Variants in RPF1 observed in about 807,000 individuals in gnomAD.
The protein encoded by RPF1 is ribosome production factor 1.
RPF1 carries 34 observed loss-of-function variants against 41.9 expected under a neutral mutation model. The ratio of observed to expected loss-of-function variants is 0.81; its 90% CI spans 0.62 to 1.08. The LOEUF is 1.08. Ranked by LOEUF, RPF1 falls within the 50% of genes least tolerant of loss-of-function variation. The pLI is 0.00. For synonymous variants in RPF1, 140 were observed against 148.9 expected, an observed-to-expected ratio of 0.94 and a Z score of 0.43; for missense variants, 425 against 435.2, an observed-to-expected ratio of 0.98 and a Z score of 0.21.
In RPF1 at chr1:84,479,323, A is replaced by G; in HGVS notation, c.42A>G (p.Lys14=). The change falls in exon 1 of 9, where the codon AAA becomes AAG. Residue 14 remains lysine (K), a synonymous_variant. Coordinates refer to ENST00000370654, the MANE Select transcript of RPF1 (RefSeq NM_025065.7). The part of the protein sequence containing the change: ...AGDKSSSSGK[K]SLKRKAAAEE... ...ATAAGAGCAGCAGCAGCGGGAAGAA[A>G]AGTCTAAAACGGAAAGCCGCTGCCG... 1.2e-6 allele frequency: 2 copies of G among 1,610,078 alleles called. No individual in the cohort carries two copies.
At chr1:84,490,272 A>G in intron 4 of RPF1, 47 bp from the exon 5 acceptor site, 1 of 1,321,954 alleles carries the variant, frequency 7.6e-7, no homozygotes, top group Non-Finnish European at 1.0e-6. Context: ...TAAGATTTTT[A>G]TTCTTTTTTG....
intron 1 of RPF1, among the ~76,000 whole-genome samples, chr1:84,480,727 G>A (rs1252729705): frequency 6.6e-6 from 1 of 152,208 alleles, no homozygotes; most frequent in Non-Finnish European, 1.5e-5. Context: ...TGCCAGTTTA[G>A]ATTTTTTTAA....
Position 84,495,897 on chromosome 1 carries a change from C to G in RPF1, c.715C>G (p.Pro239Ala). 1 of 1,598,570 alleles carries G rather than the reference C, an allele frequency of 6.3e-7. No homozygotes were observed. The highest frequency in any genetic ancestry group is 8.5e-7 in the Non-Finnish European group (1 of 1,171,692). The stretch of plus-strand genomic sequence containing the variant: ...ATTTTTCTAGAGAAGAGGCAAGGAC[C>G]CCACAGAACACATACCTGAAATAAT... ...RKEIKRRGKDPTEHIPEIILN... is the reference protein window; with the variant it reads ...RKEIKRRGKDATEHIPEIILN... Residue 239 changes from proline to alanine, a missense_variant, in exon 7 of 9, where the codon CCC becomes GCC. Transcript: ENST00000370654.
intron 2 of RPF1, among the ~76,000 whole-genome samples, chr1:84,481,268 A>T (rs1278906944): frequency 9.9e-5 from 15 of 152,158 alleles, no homozygotes; most frequent in Admixed American, 9.8e-4. Flanking sequence ...GAAATTTTTG[A>T]TTATTTTTTC....
chr1:84,489,522 C>T (rs1334017986), intron 3 of RPF1, 111 bp from the exon 4 acceptor site: 2 of 661,082 alleles, frequency 3.0e-6, no homozygotes, highest in Non-Finnish European at 5.5e-6. Context: ...TCTTTAAAGC[C>T]CCTATCAGCT....
chr1:84,494,035 G>T (rs1449136942), intron 5 of RPF1, among the ~76,000 whole-genome samples: 1 of 152,138 alleles, frequency 6.6e-6, no homozygotes, highest in Non-Finnish European at 1.5e-5. Flanking sequence ...TTTTCACTTA[G>T]CATGTGAGAA....
rs1043829194 is a variant in RPF1 at position 84,479,742 on chromosome 1, C to T, written c.228+233C>T. On this transcript the variant is annotated intron_variant, in intron 1 of 8. Coordinates refer to ENST00000370654, the MANE Select transcript of RPF1 (RefSeq NM_025065.7). ...GAAGATTATCTTGATAGGCTCTTTC[C>T]TGGGACGCTAGATTCACAAGGAAAG... Among the ~76,000 whole-genome samples, 8 of 152,294 alleles carry T rather than the reference C, an allele frequency of 5.3e-5. 1 individual carries two copies. Among genetic ancestry groups the T allele is most frequent in the African/African-American group, 1.9e-4 (8 of 41,558 alleles).
intron 1 of RPF1, among the ~76,000 whole-genome samples, chr1:84,479,885 G>A (rs567905765): frequency 2.0e-5 from 3 of 152,280 alleles, no homozygotes; most frequent in African/African-American, 7.2e-5. Flanking sequence ...TGAAATGGAG[G>A]CAATACGTAA....
chr1:84,488,405 A>G (rs982293811), intron 3 of RPF1, among the ~76,000 whole-genome samples: 2 of 152,142 alleles, frequency 1.3e-5, no homozygotes, highest in Non-Finnish European at 2.9e-5. Flanking sequence ...GCCAATTTAT[A>G]AAAATGCAAT....
intron 1 of RPF1, among the ~76,000 whole-genome samples, chr1:84,480,674 T>G (rs766823623): frequency 1.2e-4 from 18 of 152,200 alleles, no homozygotes; most frequent in Non-Finnish European, 2.1e-4. Flanking sequence ...TTTGAGGCTT[T>G]ATGGAAAAAG....
At chr1:84,479,579 A>T in intron 1 of RPF1, 70 bp downstream of exon 1, 1 of 1,431,526 alleles carries the variant, frequency 7.0e-7, no homozygotes, top group Non-Finnish European at 9.7e-7. Context: ...CGCGGGGCGC[A>T]CATCTGTGGT....
At chr1:84,490,813 G>C (rs1681820566) in intron 5 of RPF1, among the ~76,000 whole-genome samples, 1 of 152,192 alleles carries the variant, frequency 6.6e-6, no homozygotes, top group Non-Finnish European at 1.5e-5. Flanking sequence ...GCAGGATATA[G>C]TGGGGACCCT....
At chr1:84,483,019 G>A (rs757287507) in intron 3 of RPF1, 24 bp downstream of exon 3, 1 of 1,347,742 alleles carries the variant, frequency 7.4e-7, no homozygotes, top group Admixed American at 1.7e-5. Flanking sequence ...TCTTAAATTA[G>A]TTTGAATGAT....
intron 5 of RPF1, among the ~76,000 whole-genome samples, chr1:84,491,389 A>G (rs1352371271): frequency 1.3e-5 from 2 of 152,166 alleles, no homozygotes; most frequent in African/African-American, 4.8e-5. Context: ...TTTATTTCTA[A>G]TATCAGTGAA....
At chr1:84,496,148 A>T in intron 7 of RPF1, 85 bp downstream of exon 7, 1 of 1,459,550 alleles carries the variant, frequency 6.9e-7, no homozygotes, top group Non-Finnish European at 9.4e-7. Context: ...TATTGTAGCA[A>T]GTATCATACA....
chr1:84,494,557 A>C (rs1289031530), intron 5 of RPF1, among the ~76,000 whole-genome samples: 2 of 152,220 alleles, frequency 1.3e-5, no homozygotes, highest in Non-Finnish European at 2.9e-5. Flanking sequence ...ATTAAGCAAT[A>C]GCCAAGAATT....
chr1:84,479,329 A>G lies in RPF1; in HGVS notation c.48A>G (p.Leu16=), dbSNP rs1384480899. Residue 16 remains leucine (L), a synonymous_variant, in exon 1 of 9, where the codon CTA becomes CTG. Transcript: ENST00000370654. The part of the protein sequence containing the change: ...DKSSSSGKKS[L]KRKAAAEELQ... ...GCAGCAGCAGCGGGAAGAAAAGTCT[A>G]AAACGGAAAGCCGCTGCCGAAGAAC... 1.9e-6 allele frequency: 3 copies of G among 1,612,126 alleles called. No individual in the cohort carries two copies. The highest frequency in any genetic ancestry group is 1.7e-5 in the Admixed American group (1 of 59,612).
At chr1:84,493,587 C>CAAA (rs202049817) in intron 5 of RPF1, among the ~76,000 whole-genome samples, 3 of 129,536 alleles carry the variant, frequency 2.3e-5, no homozygotes, top group African/African-American at 5.7e-5. Context: ...GAGACCGTCT[C>CAAA]AAAAAAAAAA....
chr1:84,483,337 G>T, intron 3 of RPF1: 1 of 196,926 alleles, frequency 5.1e-6, no homozygotes, highest in African/African-American at 2.3e-5. Context: ...TGTGATCTCG[G>T]CTCACTGCAC....
Sources: allele counts gnomAD v4.1 joint callset (sites outside exome capture counted in the v4.1 genomes callset), GRCh38; gene constraint gnomAD v4.1.1; transcripts MANE v1.5; gene names NCBI Gene and HGNC (gene_info 2026-07-23, HGNC 2026-07-21).